PTPN14: variants seen among roughly 807,000 people sequenced by gnomAD.
The protein encoded by PTPN14 is protein tyrosine phosphatase non-receptor type 14.
A neutral mutation model predicts 126.8 loss-of-function variants in PTPN14; 53 were observed. The observed-to-expected ratio is 0.42, with a 90% CI of 0.34 to 0.53. PTPN14 has a LOEUF of 0.53. Among genes scored for constraint, PTPN14 ranks in the 20% least tolerant of loss-of-function variants. The probability of loss-of-function intolerance (pLI) is 0.08; values close to 1 mark genes in which losing one functional copy is unlikely to be tolerated. For missense variants in PTPN14, 1,257 were observed against 1,552.9 expected (o/e 0.81, Z 3.20); for synonymous variants, 630 against 599.3 (o/e 1.05, Z -0.75).
chr1:214,368,208 A>ATTTATTTATTTATTTC (rs1290278963), intron 17 of PTPN14, among the ~76,000 whole-genome samples: 3 of 151,042 alleles, frequency 2.0e-5, no homozygotes. Flanking sequence ...TTATTTATTT[A>ATTTATTTATTTATTTC]TTTATTTATT....
intron 2 of PTPN14, among the ~76,000 whole-genome samples, chr1:214,457,103 A>G (rs1372503766): frequency 6.6e-6 from 1 of 152,208 alleles, no homozygotes; most frequent in African/African-American, 2.4e-5. Flanking sequence ...TCTTCATGTA[A>G]GTTAACTTTT....
At position 214,410,242 on chromosome 1, in the gene PTPN14, C is replaced by T. The variant is rs1471830394; in HGVS notation, c.510+1442G>A. Among the ~76,000 whole-genome samples, 2 of 151,700 alleles carry T rather than the reference C, an allele frequency of 1.3e-5. 1 individual carries two copies. Among genetic ancestry groups the T allele is most frequent in the Admixed American group, 1.3e-4 (2 of 15,224 alleles). ...AGACCAATGTCATGTAGCTTTTCCC[C>T]CATGTTTTCTTCTAGTGTTTTATAC... is the stretch of plus-strand genomic sequence containing the variant. On this transcript the variant is annotated intron_variant, in intron 5 of 18. Coordinates refer to ENST00000366956, the MANE Select transcript of PTPN14 (RefSeq NM_005401.5).
Position 214,384,375 on chromosome 1 carries a change from G to A in PTPN14, c.1480C>T (p.His494Tyr). 6.2e-7 allele frequency: 1 copy of A among 1,614,136 alleles called. No individual in the cohort carries two copies. The highest frequency in any genetic ancestry group is 8.5e-7 in the Non-Finnish European group (1 of 1,180,032). Residue 494 changes from histidine (H) to tyrosine (Y), a missense_variant, in exon 13 of 19, where the codon CAC becomes TAC. This residue lies in a region of PTPN14 where 1,021 missense variants were observed against 1,183.3 expected (regional missense o/e 0.86). Coordinates refer to ENST00000366956, the MANE Select transcript of PTPN14 (RefSeq NM_005401.5). The surrounding 1 kb of genome is among the most constrained non-coding windows in gnomAD (Gnocchi z 5.3). ...GGCCCATAAGGGACAGTGTAGGGGTGCCTCTCCCGCATCTCCGGTTGGCTG... is the reference window on the plus strand; with the variant it reads ...GGCCCATAAGGGACAGTGTAGGGGTACCTCTCCCGCATCTCCGGTTGGCTG... ...VYSQPEMRER[H>Y]PYTVPYGPQG...
At chr1:214,389,112 T>G (rs2102546365) in intron 11 of PTPN14, among the ~76,000 whole-genome samples, 1 of 152,282 alleles carries the variant, frequency 6.6e-6, no homozygotes, top group East Asian at 1.9e-4. Context: ...TTCAACTAAA[T>G]TTTTCCATGG....
At chr1:214,430,204 T>C (rs184271694) in intron 3 of PTPN14, among the ~76,000 whole-genome samples, 1 of 152,300 alleles carries the variant, frequency 6.6e-6, no homozygotes, top group East Asian at 1.9e-4. Flanking sequence ...CTTCACACTT[T>C]CCGCTCATCC....
intron 1 of PTPN14, among the ~76,000 whole-genome samples, chr1:214,548,443 G>T (rs186935325): frequency 2.0e-4 from 31 of 152,126 alleles, no homozygotes; most frequent in Non-Finnish European, 4.1e-4. Flanking sequence ...CAAAGCTTTC[G>T]TGTTTGTTTT....
At chr1:214,502,707 T>C (rs910310536) in intron 1 of PTPN14, among the ~76,000 whole-genome samples, 7 of 152,246 alleles carry the variant, frequency 4.6e-5, no homozygotes, top group Middle Eastern at 6.8e-3. Flanking sequence ...GTTGAAGACT[T>C]GGAACAAATG....
intron 1 of PTPN14, among the ~76,000 whole-genome samples, chr1:214,541,261 G>A (rs902423622): frequency 1.3e-5 from 2 of 152,160 alleles, no homozygotes; most frequent in Non-Finnish European, 2.9e-5. Context: ...AAGAATTGCA[G>A]TGGGGGCAGA....
Position 214,393,791 on chromosome 1 carries a change from A to G in PTPN14, c.847-14T>C, listed in dbSNP as rs1460735405. 1 of 1,548,902 alleles carries G rather than the reference A, an allele frequency of 6.5e-7. No homozygotes were observed. The highest frequency in any genetic ancestry group is 1.1e-5 in the South Asian group (1 of 89,606). On this transcript the variant is annotated splice_polypyrimidine_tract_variant and intron_variant, in intron 9 of 18. Coordinates refer to ENST00000366956, the MANE Select transcript of PTPN14 (RefSeq NM_005401.5). ...TTCGATATCATCCTTGGAAAAGAAG[A>G]GACAGAGAAAAAAATAAACATTTGT... is the stretch of plus-strand genomic sequence containing the variant.
chr1:214,432,648 T>C (rs1013173555), intron 3 of PTPN14, among the ~76,000 whole-genome samples: 44 of 152,186 alleles, frequency 2.9e-4, no homozygotes, highest in African/African-American at 9.9e-4. Flanking sequence ...ATGATCTCTA[T>C]ACACAACAAT....
intron 1 of PTPN14, among the ~76,000 whole-genome samples, chr1:214,472,933 G>A (rs2102664459): frequency 6.6e-6 from 1 of 152,316 alleles, no homozygotes; most frequent in East Asian, 1.9e-4. Flanking sequence ...CTTGCTGAAA[G>A]CAATTCGTTG....
At chr1:214,519,467 C>T (rs1404113675) in intron 1 of PTPN14, among the ~76,000 whole-genome samples, 1 of 152,058 alleles carries the variant, frequency 6.6e-6, no homozygotes, top group African/African-American at 2.4e-5. Flanking sequence ...TCAATAATGC[C>T]TGCTGGTCCA....
At chr1:214,393,966 A>G (rs998706751) in intron 9 of PTPN14, among the ~76,000 whole-genome samples, 189 bp from the exon 10 acceptor site, 48 of 152,350 alleles carry the variant, frequency 3.2e-4, no homozygotes, top group Admixed American at 1.8e-3. Context: ...AGCCTGCCAA[A>G]GAGTGGCAGA....
At chr1:214,471,476 G>A (rs1267798618) in intron 1 of PTPN14, among the ~76,000 whole-genome samples, 8 of 152,188 alleles carry the variant, frequency 5.3e-5, no homozygotes. Context: ...CAGTGCTAGT[G>A]AGCACTCAGA....
intron 1 of PTPN14, among the ~76,000 whole-genome samples, chr1:214,478,928 A>G (rs1660923798): frequency 6.6e-6 from 1 of 152,146 alleles, no homozygotes. Context: ...TACTATTTAG[A>G]GCACTCTCCC....
rs144884754 is a variant in PTPN14, at chr1:214,537,357, G to A, written c.-155+13826C>T. 3.5e-3 allele frequency among the ~76,000 whole-genome samples: 540 copies of A among 152,292 alleles called. 1 individual carries two copies. The highest frequency in any genetic ancestry group is 9.1e-3 in the South Asian group (44 of 4,828). On this transcript the variant is annotated intron_variant, in intron 1 of 18. Coordinates refer to ENST00000366956, the MANE Select transcript of PTPN14 (RefSeq NM_005401.5). ...AAGTGGTGATGAAGAGTGGATACAA[G>A]CACAAGCTCTGGATTCATGCCCAGA...
At chr1:214,388,432 T>C (rs1035935380) in intron 11 of PTPN14, among the ~76,000 whole-genome samples, 2 of 152,032 alleles carry the variant, frequency 1.3e-5, no homozygotes, top group Non-Finnish European at 2.9e-5. Context: ...TCTGAGACAT[T>C]GTCTCACTCT....
At chr1:214,545,660 G>C (rs1260049682) in intron 1 of PTPN14, among the ~76,000 whole-genome samples, 1 of 152,158 alleles carries the variant, frequency 6.6e-6, no homozygotes, top group Non-Finnish European at 1.5e-5. Context: ...CCTAATGACT[G>C]ATGGGATTTG....
intron 2 of PTPN14, among the ~76,000 whole-genome samples, chr1:214,458,321 T>C (rs114944722): frequency 1.0e-3 from 153 of 152,224 alleles, no homozygotes; most frequent in African/African-American, 3.5e-3. Context: ...GTTAGGACTA[T>C]AGTTGTGAGC....
Sources: gnomAD v4.1 joint callset for allele counts (sites outside exome capture counted in the v4.1 genomes callset) on GRCh38, gnomAD v4.1.1 for gene constraint, gnomAD v4.1.1 regional missense constraint, Gnocchi (gnomAD v3.1) non-coding constraint, MANE v1.5 for transcripts, NCBI Gene and HGNC (gene_info 2026-07-23, HGNC 2026-07-21) for gene names.